The following POM121C variants were observed in gnomAD, a reference collection of about 807,000 sequenced individuals.
The protein encoded by POM121C is nuclear envelope pore membrane protein POM 121C.
A neutral mutation model predicts 66.4 loss-of-function variants in POM121C; 20 were observed. The ratio of observed to expected loss-of-function variants is 0.30; its 90% CI spans 0.21 to 0.44. The LOEUF (loss-of-function observed/expected upper bound fraction) is 0.44. POM121C is among the 20% of genes least tolerant of loss of function. The pLI, the probability that POM121C is intolerant of heterozygous loss-of-function variation, is 1.00. For missense variants in POM121C, 580 were observed against 1,225.7 expected (o/e 0.47, Z 7.87); for synonymous variants, 286 against 528.0 (o/e 0.54, Z 6.28).
At chr7:75,477,958 G>C (rs1350671772) in intron 1 of POM121C, among the ~76,000 whole-genome samples, 1 of 151,956 alleles carries the variant, frequency 6.6e-6, no homozygotes, top group Non-Finnish European at 1.5e-5. Context: ...TTGTTTTTTT[G>C]TTTTTGTTTT....
At chr7:75,476,153 T>A (rs587616877) in intron 1 of POM121C, among the ~76,000 whole-genome samples, 1 of 152,282 alleles carries the variant, frequency 6.6e-6, no homozygotes, top group Admixed American at 6.5e-5. Flanking sequence ...TGGCTGGGCA[T>A]CATGGCACAT....
chr7:75,438,959 T>G (rs1397490560), intron 6 of POM121C, among the ~76,000 whole-genome samples, 185 bp downstream of exon 6: 2 of 152,212 alleles, frequency 1.3e-5, no homozygotes, highest in African/African-American at 4.8e-5. Flanking sequence ...TGCAAGAACA[T>G]TAAAAGGAAT....
At chr7:75,454,316 A>T (rs1791131358) in intron 3 of POM121C, among the ~76,000 whole-genome samples, 1 of 152,194 alleles carries the variant, frequency 6.6e-6, no homozygotes, top group African/African-American at 2.4e-5. Context: ...TCGGCTGAGG[A>T]TGTGAGGGGC....
At chr7:75,483,570 C>T (rs1554480456) in intron 1 of POM121C, among the ~76,000 whole-genome samples, 1 of 152,148 alleles carries the variant, frequency 6.6e-6, no homozygotes, top group African/African-American at 2.4e-5. Flanking sequence ...AACCTCTTTT[C>T]TTTATAAATT....
At chr7:75,437,490 C>A (rs1284260821) in intron 7 of POM121C, 25 bp downstream of exon 7, 1 of 1,588,394 alleles carries the variant, frequency 6.3e-7, no homozygotes, top group Non-Finnish European at 8.6e-7. Context: ...TCATGCCCCC[C>A]ACATTACAAG....
Position 75,442,654 on chromosome 7 carries a change from G to A in POM121C, c.-151-1007C>T, listed in dbSNP as rs1554474264. On this transcript the variant is annotated intron_variant, in intron 3 of 14. Transcript: ENST00000615331. ...GCCCGCCGCAGCCCCGGCCCCGGCC[G>A]TCCCTGACACTCGCTATCGGCCGCC... 8.9e-6 allele frequency: 13 copies of A among 1,462,902 alleles called. No homozygotes were observed. In the South Asian group the frequency reaches 1.3e-4, roughly 15 times the overall value. 90.6% of individuals were successfully genotyped at this position (1,462,902 alleles called of 1,614,324 possible).
chr7:75,429,131 C>T (rs1431059724), intron 7 of POM121C, among the ~76,000 whole-genome samples: 3 of 152,148 alleles, frequency 2.0e-5, no homozygotes, highest in Non-Finnish European at 4.4e-5. Flanking sequence ...CTATTCAACT[C>T]AAAGTCCTAG....
chr7:75,438,999 T>TA (rs1790525107), intron 6 of POM121C, 145 bp downstream of exon 6: 1 of 865,682 alleles, frequency 1.2e-6, no homozygotes, highest in Non-Finnish European at 1.8e-6. Context: ...TGTGACAAGT[T>TA]ACTCAGAATA....
rs587607654 is a variant in POM121C at position 75,458,520 on chromosome 7, C to T, written c.-152+16184G>A. On this transcript the variant is annotated intron_variant, in intron 3 of 14. Transcript: ENST00000615331. ...TCCAGCCAGGGCAACAGAGCAAGAC[C>T]CTGTCTCCAAACAACAACAAAAACA... is the stretch of plus-strand genomic sequence containing the variant. 2.7e-4 allele frequency among the ~76,000 whole-genome samples: 41 copies of T among 151,936 alleles called. No individual in the cohort carries two copies. The South Asian group carries it at 7.5e-3, about 28-fold the overall frequency.
chr7:75,442,972 C>A lies in POM121C; in HGVS notation c.-151-1325G>T, dbSNP rs1258514954. Among the ~76,000 whole-genome samples, 3 of 152,318 alleles carry A rather than the reference C, an allele frequency of 2.0e-5. No individual in the cohort carries two copies. The East Asian group carries it at 5.8e-4, about 29-fold the overall frequency. ...CATCCGGCTCCCATCCGGAGGCGAT[C>A]CCGTGAAAGGATCGCGTCCAAAATA... On this transcript the variant is annotated intron_variant, in intron 3 of 14. Transcript: ENST00000615331.
chr7:75,454,508 G>T (rs1791137818), intron 3 of POM121C, among the ~76,000 whole-genome samples: 1 of 152,172 alleles, frequency 6.6e-6, no homozygotes, highest in Non-Finnish European at 1.5e-5. Context: ...GACCCCCTTA[G>T]AAGAGGAGCA....
At chr7:75,428,093 C>T (rs1350435776) in intron 7 of POM121C, among the ~76,000 whole-genome samples, 3 of 151,842 alleles carry the variant, frequency 2.0e-5, no homozygotes, top group Admixed American at 2.0e-4. Context: ...CTTCAGATCC[C>T]TGACACTACC....
In POM121C at chr7:75,421,890, C is replaced by T. The variant is rs782264602; in HGVS notation, c.2362G>A (p.Ala788Thr). 1.0e-4 allele frequency: 169 copies of T among 1,612,210 alleles called. 1 individual carries two copies. The highest frequency in any genetic ancestry group is 3.5e-4 in the Middle Eastern group (2 of 5,756). The change falls in exon 13 of 15, where the codon GCC becomes ACC. Residue 788 changes from alanine (A) to threonine (T), a missense_variant. Physicochemically the swap from Ala to Thr is moderately conservative, Grantham distance 58. Coordinates refer to ENST00000615331, the MANE Select transcript of POM121C (RefSeq NM_001099415.3). ...KATASAFGAPASSQPAFGGST... is the reference protein window; with the variant it reads ...KATASAFGAPTSSQPAFGGST... ...CCGCCAAAGGCGGGCTGTGAGCTGG[C>T]GGGAGCGCCGAAGGCGGAAGCCGTG...
intron 1 of POM121C, among the ~76,000 whole-genome samples, chr7:75,485,325 G>T (rs1371042656): frequency 1.3e-5 from 2 of 152,114 alleles, no homozygotes; most frequent in Non-Finnish European, 2.9e-5. Context: ...GGATACGGGA[G>T]AAAGAACACT....
chr7:75,442,118 T>C (rs879974254), intron 3 of POM121C: 26 of 1,368,364 alleles, frequency 1.9e-5, no homozygotes, highest in Admixed American at 3.6e-5. Flanking sequence ...AGCCAGAGGA[T>C]GATCTGGGAA....
At chr7:75,430,021 G>T (rs1233252855) in intron 7 of POM121C, among the ~76,000 whole-genome samples, 3 of 152,102 alleles carry the variant, frequency 2.0e-5, no homozygotes, top group Non-Finnish European at 4.4e-5. Context: ...GTTAAATAAA[G>T]AAATGAATGA....
At chr7:75,455,097 A>T (rs112620978) in intron 3 of POM121C, among the ~76,000 whole-genome samples, 1 of 152,198 alleles carries the variant, frequency 6.6e-6, no homozygotes, top group African/African-American at 2.4e-5. Flanking sequence ...ATTAGAGTTA[A>T]GTAGGGACCC....
chr7:75,424,499 G>T (rs782666548), intron 11 of POM121C, 27 bp downstream of exon 11: 3 of 1,609,990 alleles, frequency 1.9e-6, no homozygotes, highest in South Asian at 2.2e-5. Context: ...GAAACCTCTC[G>T]AGAGTGCAAC....
intron 1 of POM121C, among the ~76,000 whole-genome samples, chr7:75,483,718 A>G (rs1273751011): frequency 2.6e-5 from 4 of 152,062 alleles, no homozygotes; most frequent in African/African-American, 4.8e-5. Flanking sequence ...CTACCCATAC[A>G]TACAAGCTTC....
Sources: allele counts gnomAD v4.1 joint callset (sites outside exome capture counted in the v4.1 genomes callset), GRCh38; gene constraint gnomAD v4.1.1; transcripts MANE v1.5; gene names NCBI Gene and HGNC (gene_info 2026-07-23, HGNC 2026-07-21).